Variants in PAX7 observed in about 807,000 individuals in gnomAD.
PAX7 encodes paired box 7.
PAX7 carries 18 observed loss-of-function variants against 50.7 expected under a neutral mutation model. The ratio of observed to expected loss-of-function variants is 0.36; its 90% confidence interval spans 0.25 to 0.53. The LOEUF (loss-of-function observed/expected upper bound fraction) is 0.53. Ranked by LOEUF, PAX7 falls within the 20% of genes least tolerant of loss-of-function variation. The pLI is 0.93. For missense variants in PAX7, 644 were observed against 702.9 expected, an observed-to-expected ratio of 0.92 and a Z score of 0.95; for synonymous variants, 310 against 290.4, an observed-to-expected ratio of 1.07 and a Z score of -0.69.
At position 18,647,091 on chromosome 1, in the gene PAX7, G is replaced by A. The variant is rs370844969; in HGVS notation, c.586+10720G>A. 2.7e-3 allele frequency among the ~76,000 whole-genome samples: 409 copies of A among 151,620 alleles called. 1 individual carries two copies. The highest frequency in any genetic ancestry group is 9.0e-3 in the African/African-American group (370 of 41,336). ...GGCGGGGGACGGAACAAAACAGAACGCACAAAACCCACAACAAAACCGAGC... is the reference window on the plus strand; with the variant it reads ...GGCGGGGGACGGAACAAAACAGAACACACAAAACCCACAACAAAACCGAGC... On this transcript the variant is annotated intron_variant, in intron 4 of 8. Coordinates refer to ENST00000420770, the MANE Select transcript of PAX7 (RefSeq NM_001135254.2).
chr1:18,716,088 G>A (rs1191879216), intron 7 of PAX7, among the ~76,000 whole-genome samples: 7 of 151,778 alleles, frequency 4.6e-5, no homozygotes, highest in African/African-American at 1.5e-4. Flanking sequence ...CCCTTTCCCC[G>A]GCTGTGAACA....
intron 4 of PAX7, among the ~76,000 whole-genome samples, chr1:18,651,471 T>C (rs2088429951): frequency 6.6e-6 from 1 of 152,228 alleles, no homozygotes; most frequent in Non-Finnish European, 1.5e-5. Context: ...AGTTGGGATA[T>C]AACTGTCTAG....
chr1:18,735,774 G>A lies in PAX7; in HGVS notation c.1298G>A (p.Gly433Glu). The A allele has an allele frequency of 6.2e-7, 1 of 1,614,148 alleles. No homozygotes were observed. The highest frequency in any genetic ancestry group is 8.5e-7 in the Non-Finnish European group (1 of 1,180,026). Residue 433 changes from glycine (G) to glutamate (E), a missense_variant, in exon 8 of 9, where the codon GGA (glycine) becomes GAA (glutamate). Coordinates refer to ENST00000420770, the MANE Select transcript of PAX7 (RefSeq NM_001135254.2). This position sits in a 1 kb window ranked among gnomAD's most constrained non-coding sequence, Gnocchi z 4.0. The part of the protein sequence containing the change: ...CSQRADSIKP[G>E]DSLPTSQAYC... ...CAGCGGGCCGACTCCATCAAGCCAG[G>A]AGACAGCCTGCCCACCTCCCAGGCC...
chr1:18,685,671 AG>A (rs1300446046), intron 4 of PAX7, among the ~76,000 whole-genome samples: 11 of 152,246 alleles, frequency 7.2e-5, no homozygotes, highest in African/African-American at 2.7e-4. Context: ...ACTCACTCAC[AG>A]AAGCCATGAG....
At chr1:18,740,387 G>A (rs912457252) in intron 8 of PAX7, among the ~76,000 whole-genome samples, 6 of 152,158 alleles carry the variant, frequency 3.9e-5, no homozygotes, top group Admixed American at 2.0e-4. Context: ...GATAAGGCAC[G>A]CAGAGTGGCC....
intron 4 of PAX7, among the ~76,000 whole-genome samples, chr1:18,654,169 T>C (rs952244213): frequency 1.3e-5 from 2 of 152,192 alleles, no homozygotes; most frequent in African/African-American, 4.8e-5. Context: ...GTCTGCCTGC[T>C]GGCTCTGGCT....
intron 8 of PAX7, among the ~76,000 whole-genome samples, chr1:18,736,941 T>C (rs1459257562): frequency 1.3e-5 from 2 of 152,218 alleles, no homozygotes; most frequent in African/African-American, 4.8e-5. Context: ...CCCTGCCCCT[T>C]CTGCCGCAGG....
chr1:18,744,470 G>GGAT (rs1931320955), intron 8 of PAX7, among the ~76,000 whole-genome samples: 2 of 74,024 alleles, frequency 2.7e-5, no homozygotes, highest in Non-Finnish European at 6.3e-5. Context: ...ATGGATGGAT[G>GGAT]GATGGATGGA....
rs776969728 is a variant in PAX7 at position 18,635,202 on chromosome 1, T to C, written c.413T>C (p.Leu138Pro). ...AGCTGGGAGATCCGGGACAGGCTGC[T>C]GAAGGATGGGCACTGTGACCGAAGC... is the stretch of plus-strand genomic sequence containing the variant. ...MFSWEIRDRL[L>P]KDGHCDRSTV... The change falls in exon 3 of 9, where the codon CTG (leucine) becomes CCG (proline). Residue 138 changes from leucine (L) to proline (P), a missense_variant. Physicochemically the swap from Leu to Pro is moderately conservative, Grantham distance 98. Coordinates refer to ENST00000420770, the MANE Select transcript of PAX7 (RefSeq NM_001135254.2). 5 of 1,613,718 alleles carry C rather than the reference T, an allele frequency of 3.1e-6. No individual in the cohort carries two copies. The highest frequency in any genetic ancestry group is 4.2e-6 in the Non-Finnish European group (5 of 1,179,898).
At chr1:18,679,347 C>A (rs1442912769) in intron 4 of PAX7, among the ~76,000 whole-genome samples, 1 of 152,202 alleles carries the variant, frequency 6.6e-6, no homozygotes, top group Admixed American at 6.5e-5. Flanking sequence ...GGGGTGAGGG[C>A]GTGGGGAGGG....
rs1323394405 is a variant in PAX7 at position 18,715,546 on chromosome 1, T to C, written c.1155+12250T>C. On this transcript the variant is annotated intron_variant, in intron 7 of 8. Coordinates refer to ENST00000420770, the MANE Select transcript of PAX7 (RefSeq NM_001135254.2). ...AGAGGCATGGAGCAGTTTAAATAAT[T>C]TGTCCAGGGTAAGTTGCTCTTTAAG... Among the ~76,000 whole-genome samples the C allele has an allele frequency of 2.0e-5, 3 of 152,086 alleles. No homozygotes were observed. In the East Asian group the frequency reaches 5.8e-4, roughly 29 times the overall value.
At chr1:18,660,634 C>G (rs2088587095) in intron 4 of PAX7, among the ~76,000 whole-genome samples, 1 of 152,146 alleles carries the variant, frequency 6.6e-6, no homozygotes, top group South Asian at 2.1e-4. Flanking sequence ...CTGTATTTAC[C>G]ACGTTCAAAA....
intron 8 of PAX7, among the ~76,000 whole-genome samples, chr1:18,737,978 TTGTG>T (rs1472765471): frequency 6.6e-6 from 1 of 152,192 alleles, no homozygotes; most frequent in African/African-American, 2.4e-5. Flanking sequence ...GTGTCTGTGA[TTGTG>T]TGTTTGGAAG....
chr1:18,645,228 G>T (rs896911307), intron 4 of PAX7, among the ~76,000 whole-genome samples: 3 of 152,212 alleles, frequency 2.0e-5, no homozygotes, highest in Non-Finnish European at 2.9e-5. Flanking sequence ...CTGACCTCTG[G>T]AGTGGCCCGC....
chr1:18,692,604 T>C (rs192920758), intron 5 of PAX7, among the ~76,000 whole-genome samples: 4 of 152,216 alleles, frequency 2.6e-5, no homozygotes, highest in African/African-American at 9.6e-5. Context: ...AAGAGAGGGT[T>C]TGGGGAGTAT....
intron 7 of PAX7, among the ~76,000 whole-genome samples, chr1:18,728,197 G>A (rs544417319): frequency 5.6e-4 from 85 of 152,272 alleles, no homozygotes; most frequent in Admixed American, 1.6e-3. Flanking sequence ...CGGAGTTGTG[G>A]GGTGGCAGTG....
At chr1:18,643,035 A>G (rs779787706) in intron 4 of PAX7, among the ~76,000 whole-genome samples, 5 of 151,874 alleles carry the variant, frequency 3.3e-5, no homozygotes, top group Non-Finnish European at 5.9e-5. Context: ...TGGAACTTCA[A>G]CCTCCTGGGA....
intron 7 of PAX7, among the ~76,000 whole-genome samples, chr1:18,714,959 C>T (rs2089399966): frequency 6.6e-6 from 1 of 152,266 alleles, no homozygotes; most frequent in Non-Finnish European, 1.5e-5. Flanking sequence ...GGAATTAATA[C>T]AGCAGGCAGA....
At chr1:18,722,360 G>T (rs903382119) in intron 7 of PAX7, among the ~76,000 whole-genome samples, 5 of 152,004 alleles carry the variant, frequency 3.3e-5, no homozygotes, top group Admixed American at 1.3e-4. Context: ...ATCTCCTCCC[G>T]CATCTCTTAG....
Sources: gnomAD v4.1 joint callset for allele counts (sites outside exome capture counted in the v4.1 genomes callset) on GRCh38, gnomAD v4.1.1 for gene constraint, Gnocchi (gnomAD v3.1) non-coding constraint, MANE v1.5 for transcripts, NCBI Gene and HGNC (gene_info 2026-07-23, HGNC 2026-07-21) for gene names.